Variants in XKR7 observed in about 807,000 individuals in gnomAD.
XKR7 encodes the protein XK-related protein 7.
A neutral mutation model predicts 42.2 loss-of-function variants in XKR7; 11 were observed. The ratio of observed to expected loss-of-function variants is 0.26; its 90% CI spans 0.16 to 0.43. The LOEUF (loss-of-function observed/expected upper bound fraction) is 0.43. Ranked by LOEUF, XKR7 falls within the 20% of genes least tolerant of loss-of-function variation. XKR7 has a pLI of 1.00. For synonymous variants in XKR7, 346 were observed against 366.4 expected (o/e 0.94, Z 0.64); for missense variants, 710 against 802.2 (o/e 0.89, Z 1.39).
At chr20:31,993,477 A>C (rs1458179514) in intron 1 of XKR7, among the ~76,000 whole-genome samples, 1 of 152,208 alleles carries the variant, frequency 6.6e-6, no homozygotes, top group Non-Finnish European at 1.5e-5. Flanking sequence ...CACACAGTAA[A>C]TTAGAAGCAA....
At chr20:31,987,382 A>G (rs543872304) in intron 1 of XKR7, among the ~76,000 whole-genome samples, 1 of 150,798 alleles carries the variant, frequency 6.6e-6, no homozygotes, top group African/African-American at 2.4e-5. Context: ...ACCACCAAGC[A>G]GACCCAGTAT....
chr20:31,986,406 A>G (rs2064540477), intron 1 of XKR7, among the ~76,000 whole-genome samples: 1 of 144,656 alleles, frequency 6.9e-6, no homozygotes, highest in South Asian at 2.3e-4. Context: ...ACCACCAAAC[A>G]GATCCAGCAT....
At chr20:31,969,904 C>T (rs2064456561) in intron 1 of XKR7, among the ~76,000 whole-genome samples, 1 of 152,234 alleles carries the variant, frequency 6.6e-6, no homozygotes, top group Non-Finnish European at 1.5e-5. Flanking sequence ...CTTGTTAACA[C>T]ATTCTGCCTA....
rs371514043 is a variant in XKR7 at position 31,993,959 on chromosome 20, C to T, written c.585-1109C>T. On this transcript the variant is annotated intron_variant, in intron 1 of 2. Transcript: ENST00000562532. ...GGGAGAGGAAACAATAGGTACAATT[C>T]CTCAGCAAGGAGGGAGAACATTGTG... Among the ~76,000 whole-genome samples the T allele has an allele frequency of 3.0e-4, 45 of 152,276 alleles. 1 individual carries two copies. The East Asian group carries it at 6.0e-3, about 20-fold the overall frequency.
intron 1 of XKR7, among the ~76,000 whole-genome samples, chr20:31,973,996 C>A (rs1842098791): frequency 6.6e-6 from 1 of 152,108 alleles, no homozygotes; most frequent in Admixed American, 6.6e-5. Context: ...AGATCGAGAC[C>A]ATCCTGGCCA....
intron 1 of XKR7, among the ~76,000 whole-genome samples, chr20:31,987,380 G>A (rs2064547312): frequency 1.5e-5 from 2 of 135,554 alleles, no homozygotes; most frequent in Admixed American, 7.5e-5. Flanking sequence ...AGACCACCAA[G>A]CAGACCCAGT....
chr20:31,994,949 G>A, intron 1 of XKR7, 119 bp from the exon 2 acceptor site: 4 of 1,476,082 alleles, frequency 2.7e-6, no homozygotes, highest in Non-Finnish European at 3.6e-6. Context: ...TCACAGCTGA[G>A]GAAACAGGCT....
rs1600663234 is a variant in XKR7, at chr20:31,995,118, G to C, written c.635G>C (p.Arg212Pro). The C allele has an allele frequency of 7.1e-6, 11 of 1,557,508 alleles. No individual in the cohort carries two copies. The highest frequency in any genetic ancestry group is 9.6e-6 in the Non-Finnish European group (11 of 1,151,658). Residue 212 changes from arginine to proline, a missense_variant, in exon 2 of 3, where the codon CGG becomes CCG. Coordinates refer to ENST00000562532, the MANE Select transcript of XKR7 (RefSeq NM_001011718.2). This position sits in a 1 kb window ranked among gnomAD's most constrained non-coding sequence, Gnocchi z 4.1. ...CTGCAGAGCCGCTGGCGCGGGGAGC[G>C]GCTGCGGCGCCACTTCTACTGGCAG... ...LGLQSRWRGE[R>P]LRRHFYWQML... is the part of the protein sequence containing the mutation.
rs2064443752 is a variant in XKR7, at chr20:31,968,247, G to A, written c.72G>A (p.Arg24=). The change falls in exon 1 of 3, where the codon CGG becomes CGA. Residue 24 remains arginine (R), a synonymous_variant. Coordinates refer to ENST00000562532, the MANE Select transcript of XKR7 (RefSeq NM_001011718.2). This position sits in a 1 kb window ranked among gnomAD's most constrained non-coding sequence, Gnocchi z 4.5. The stretch of plus-strand genomic sequence containing the variant: ...CGGAGGGGGCTGCCGGTGGAGCCCG[G>A]GGCAGTGCCGGCGGGCGCGGGGAGG... ...PDPEGAAGGA[R]GSAGGRGEAA... 1.1e-5 allele frequency: 13 copies of A among 1,138,878 alleles called. No homozygotes were observed. The South Asian group carries it at 5.5e-4, about 48-fold the overall frequency. 70.5% of individuals were successfully genotyped at this position (1,138,878 alleles called of 1,614,324 possible). A position where few individuals can be genotyped will look rare whatever the true frequency, so the allele number is the denominator to read the frequency against.
rs1600658145 is a variant in XKR7 at position 31,981,299 on chromosome 20, C to A, written c.584+12540C>A. Among the ~76,000 whole-genome samples, 3 of 152,108 alleles carry A rather than the reference C, an allele frequency of 2.0e-5. No individual in the cohort carries two copies. The South Asian group carries it at 6.2e-4, about 31-fold the overall frequency. ...CCTGAGGCAGAAGAATCACTTGAAC[C>A]CAGAGGGCAGGGGTTGCGGCGAGCT... On this transcript the variant is annotated intron_variant, in intron 1 of 2. Coordinates refer to ENST00000562532, the MANE Select transcript of XKR7 (RefSeq NM_001011718.2).
At chr20:31,984,628 C>T (rs1335702329) in intron 1 of XKR7, among the ~76,000 whole-genome samples, 1 of 152,360 alleles carries the variant, frequency 6.6e-6, no homozygotes, top group Non-Finnish European at 1.5e-5. Context: ...TGACTCTTCA[C>T]TTACTATTGT....
chr20:32,000,985 CCA>C lies in XKR7; in HGVS notation c.*3531_*3532del, dbSNP rs1465112911. On this transcript the variant is annotated 3_prime_UTR_variant, in exon 3 of 3. Transcript: ENST00000562532. ...GCCAGCTCCCTGCTACACCTGTGTC[CCA>C]CAGAGGCATGTCACCCATGAGAGTC... is the stretch of plus-strand genomic sequence containing the variant. The C allele has an allele frequency of 6.6e-6, 1 of 152,390 alleles. No individual in the cohort carries two copies. The highest frequency in any genetic ancestry group is 1.5e-5 in the Non-Finnish European group (1 of 68,166). 9.4% of individuals were successfully genotyped at this position (152,390 alleles called of 1,614,324 possible).
At chr20:31,994,165 A>G (rs376260076) in intron 1 of XKR7, among the ~76,000 whole-genome samples, 1 of 152,146 alleles carries the variant, frequency 6.6e-6, no homozygotes, top group East Asian at 1.9e-4. Context: ...CTGGGCACTG[A>G]GAAGGGAACA....
Position 31,968,849 on chromosome 20 carries a change from G to A in XKR7, c.584+90G>A, listed in dbSNP as rs140191896. The A allele has an allele frequency of 4.2e-6, 6 of 1,429,118 alleles. No individual in the cohort carries two copies. The highest frequency in any genetic ancestry group is 2.9e-5 in the Admixed American group (1 of 34,600). 88.5% of individuals were successfully genotyped at this position (1,429,118 alleles called of 1,614,324 possible). A position where few individuals can be genotyped will look rare whatever the true frequency, so the allele number is the denominator to read the frequency against. On this transcript the variant is annotated intron_variant, in intron 1 of 2. Coordinates refer to ENST00000562532, the MANE Select transcript of XKR7 (RefSeq NM_001011718.2). The surrounding 1 kb of genome is among the most constrained non-coding windows in gnomAD (Gnocchi z 4.5). ...GTCCCAGCCCTGATCTGACCTTTCCGGGCTACCCTCCTGTCCTGACCTCCC... is the reference window on the plus strand; with the variant it reads ...GTCCCAGCCCTGATCTGACCTTTCCAGGCTACCCTCCTGTCCTGACCTCCC...
intron 2 of XKR7, 23 bp from the exon 3 acceptor site, chr20:31,996,482 C>A (rs1455369095): frequency 8.0e-6 from 7 of 870,690 alleles, no homozygotes; most frequent in African/African-American, 5.2e-5. Context: ...CCAGCCCACC[C>A]CGCCCCTGCC....
chr20:31,982,747 G>A (rs900634523), intron 1 of XKR7, among the ~76,000 whole-genome samples: 2 of 152,168 alleles, frequency 1.3e-5, no homozygotes, highest in Admixed American at 1.3e-4. Flanking sequence ...TGTCCCAAAG[G>A]TGCTTTCTGA....
chr20:31,987,190 A>G (rs1202281639), intron 1 of XKR7, among the ~76,000 whole-genome samples: 1 of 149,892 alleles, frequency 6.7e-6, no homozygotes, highest in Admixed American at 6.7e-5. Context: ...AAGCGGGCCC[A>G]GTATCAAGAC....
intron 1 of XKR7, among the ~76,000 whole-genome samples, chr20:31,984,786 G>A (rs2064529943): frequency 1.3e-5 from 2 of 152,204 alleles, no homozygotes; most frequent in African/African-American, 2.4e-5. Flanking sequence ...GGCAGCCGAG[G>A]CAACAGGGGA....
chr20:31,995,053 G>C lies in XKR7; in HGVS notation c.585-15G>C. ...ACCAGCGCGCGGGAGCCTGAGCACCGCGTCCTTCCCGCAGGTACCTGCGCG... is the reference window on the plus strand; with the variant it reads ...ACCAGCGCGCGGGAGCCTGAGCACCCCGTCCTTCCCGCAGGTACCTGCGCG... On this transcript the variant is annotated splice_polypyrimidine_tract_variant and intron_variant, in intron 1 of 2. Transcript: ENST00000562532. The surrounding 1 kb of genome is among the most constrained non-coding windows in gnomAD (Gnocchi z 4.1). The C allele has an allele frequency of 6.5e-6, 10 of 1,541,408 alleles. No homozygotes were observed. Among genetic ancestry groups the C allele is most frequent in the Non-Finnish European group, 7.9e-6 (9 of 1,145,538 alleles).
Sources: gnomAD v4.1 joint callset for allele counts (sites outside exome capture counted in the v4.1 genomes callset) on GRCh38, gnomAD v4.1.1 for gene constraint, Gnocchi (gnomAD v3.1) non-coding constraint, MANE v1.5 for transcripts, NCBI Gene and HGNC (gene_info 2026-07-23, HGNC 2026-07-21) for gene names.